Variants in HMGB1 observed in about 807,000 individuals in gnomAD.
HMGB1 encodes the protein high mobility group box 1, also known as high mobility group protein B1.
For missense variants in HMGB1, 79 were observed against 253.5 expected, an observed-to-expected ratio of 0.31 and a Z score of 4.67; for synonymous variants, 81 against 84.0, an observed-to-expected ratio of 0.96 and a Z score of 0.19.
At chr13:30,574,248 A>G (rs1384286079) in intron 1 of HMGB1, among the ~76,000 whole-genome samples, 1 of 152,242 alleles carries the variant, frequency 6.6e-6, no homozygotes, top group Non-Finnish European at 1.5e-5. Flanking sequence ...TTCTAATAGC[A>G]TAACACTATT....
intron 1 of HMGB1, among the ~76,000 whole-genome samples, chr13:30,535,589 T>C (rs112404634): frequency 1.9e-4 from 29 of 152,200 alleles, no homozygotes; most frequent in African/African-American, 6.0e-4. Context: ...TTTGAATTAA[T>C]GTGCACTTTT....
At chr13:30,510,086 C>T (rs1251939750) in intron 1 of HMGB1, among the ~76,000 whole-genome samples, 1 of 152,226 alleles carries the variant, frequency 6.6e-6, no homozygotes, top group Non-Finnish European at 1.5e-5. Flanking sequence ...GAACAACCAC[C>T]TGCATCCCGT....
At chr13:30,569,930 T>C (rs1190377790) in intron 1 of HMGB1, among the ~76,000 whole-genome samples, 2 of 152,228 alleles carry the variant, frequency 1.3e-5, no homozygotes, top group Admixed American at 6.5e-5. Flanking sequence ...CCAATCCTGA[T>C]CTACAGCCAG....
intron 1 of HMGB1, chr13:30,554,033 T>C: frequency 6.9e-7 from 1 of 1,459,598 alleles, no homozygotes; most frequent in Non-Finnish European, 9.6e-7. Context: ...AAGAATCGGT[T>C]AAATGTGCGC....
At chr13:30,556,988 A>G (rs1264185420) in intron 1 of HMGB1, among the ~76,000 whole-genome samples, 1 of 152,254 alleles carries the variant, frequency 6.6e-6, no homozygotes, top group African/African-American at 2.4e-5. Flanking sequence ...ATGTATGGAA[A>G]TATAATTATG....
At chr13:30,469,977 C>T (rs1338463814), upstream of HMGB1, among the ~76,000 whole-genome samples, 1 of 151,876 alleles carries the variant, frequency 6.6e-6, no homozygotes, top group Non-Finnish European at 1.5e-5. Context: ...AAGGTCTCTC[C>T]ATGTTGCCCA....
rs1200148587 is a variant in HMGB1 at position 30,502,638 on chromosome 13, A to ATTTTT, written c.-14-38945_-14-38944insAAAAA. On this transcript the variant is annotated intron_variant, in intron 1 of 4. Coordinates refer to the HMGB1 transcript ENST00000405805. ...TATCTAGGTATGCAGATTTTACTTT[A>ATTTTT]CTTTATTTTATTTATTTTATTTTAT... Among the ~76,000 whole-genome samples the ATTTTT allele has an allele frequency of 7.0e-5, 4 of 57,382 alleles. No individual in the cohort carries two copies. The East Asian group carries it at 3.2e-3, about 46-fold the overall frequency. The allele number at this position is 57,382 out of a possible 152,430, so 37.6% of individuals were successfully genotyped here. A position where few individuals can be genotyped will look rare whatever the true frequency, so the allele number is the denominator to read the frequency against.
chr13:30,567,676 A>T (rs1388427065), intron 1 of HMGB1, among the ~76,000 whole-genome samples: 1 of 152,066 alleles, frequency 6.6e-6, no homozygotes, highest in Non-Finnish European at 1.5e-5. Context: ...AATCACACAC[A>T]CTTGAGGCCC....
At chr13:30,616,471 G>C (rs991490386) in intron 1 of HMGB1, among the ~76,000 whole-genome samples, 1 of 152,136 alleles carries the variant, frequency 6.6e-6, no homozygotes, top group East Asian at 1.9e-4. Context: ...TTTACAAATA[G>C]TGTATTCCAT....
In HMGB1 at chr13:30,465,159, A is replaced by G. The variant is rs1019962057; in HGVS notation, c.-15+637T>C. On this transcript the variant is annotated intron_variant, in intron 1 of 4. Coordinates refer to ENST00000341423, the MANE Select transcript of HMGB1 (RefSeq NM_002128.7). ...GCCGGGCCCGAGTCAGCCATGTTCCAGCGAGCGCAGCGGCGCCGCTCCCCC... is the reference window on the plus strand; with the variant it reads ...GCCGGGCCCGAGTCAGCCATGTTCCGGCGAGCGCAGCGGCGCCGCTCCCCC... 1.3e-3 allele frequency: 1,208 copies of G among 960,668 alleles called. 11 individuals carry two copies. The highest frequency in any genetic ancestry group is 2.2e-3 in the Admixed American group (33 of 15,286). The allele number at this position is 960,668 out of a possible 1,614,324, so 59.5% of individuals were successfully genotyped here. A position where few individuals can be genotyped will look rare whatever the true frequency, so the allele number is the denominator to read the frequency against.
chr13:30,562,699 G>A (rs1870014638), intron 1 of HMGB1, among the ~76,000 whole-genome samples: 2 of 152,196 alleles, frequency 1.3e-5, no homozygotes, highest in Admixed American at 1.3e-4. Flanking sequence ...TTCATTCTTA[G>A]AGACACTGAG....
chr13:30,466,741 A>T (rs1196166864), upstream of HMGB1, among the ~76,000 whole-genome samples: 1 of 152,248 alleles, frequency 6.6e-6, no homozygotes, highest in Non-Finnish European at 1.5e-5. Context: ...TATTCCATGT[A>T]ATTAAAGAAC....
chr13:30,555,621 A>G (rs1869654760), intron 1 of HMGB1, among the ~76,000 whole-genome samples: 1 of 152,214 alleles, frequency 6.6e-6, no homozygotes, highest in African/African-American at 2.4e-5. Context: ...AACAATGCCT[A>G]TAATTATTTT....
At chr13:30,461,622 C>A in intron 4 of HMGB1, 89 bp from the exon 5 acceptor site, 2 of 1,579,808 alleles carry the variant, frequency 1.3e-6, no homozygotes, top group South Asian at 1.2e-5. Context: ...TGAAAGAAAT[C>A]AAGATTCTAG....
At chr13:30,476,078 C>T (rs1887088814) in intron 1 of HMGB1, among the ~76,000 whole-genome samples, 1 of 149,350 alleles carries the variant, frequency 6.7e-6, no homozygotes, top group Admixed American at 6.7e-5. Context: ...GAGTGGGAAA[C>T]TGAGAAACAG....
chr13:30,568,617 A>G (rs966550108), intron 1 of HMGB1, among the ~76,000 whole-genome samples: 10 of 152,180 alleles, frequency 6.6e-5, no homozygotes, highest in Non-Finnish European at 1.3e-4. Context: ...CTTACAAAAG[A>G]AAGGTAGAGG....
At chr13:30,564,108 G>C (rs1424777502) in intron 1 of HMGB1, among the ~76,000 whole-genome samples, 1 of 151,864 alleles carries the variant, frequency 6.6e-6, no homozygotes, top group Non-Finnish European at 1.5e-5. Context: ...ATGAAAAGTG[G>C]ACAAATGATC....
intron 1 of HMGB1, among the ~76,000 whole-genome samples, chr13:30,530,997 A>T (rs1888480478): frequency 6.6e-6 from 1 of 152,160 alleles, no homozygotes; most frequent in South Asian, 2.1e-4. Context: ...CAGTGAGCTG[A>T]TATTGTGCCA....
At chr13:30,599,721 AG>A (rs1039627166) in intron 1 of HMGB1, among the ~76,000 whole-genome samples, 58 of 152,124 alleles carry the variant, frequency 3.8e-4, no homozygotes, top group African/African-American at 1.4e-3. Context: ...TAAAGATACT[AG>A]TCATATTGGA....
Sources: allele counts gnomAD v4.1 joint callset (sites outside exome capture counted in the v4.1 genomes callset), GRCh38; gene constraint gnomAD v4.1.1; transcripts MANE v1.5; gene names NCBI Gene and HGNC (gene_info 2026-07-23, HGNC 2026-07-21).